Variants in DENND1A observed in about 807,000 individuals in gnomAD.
DENND1A encodes DENN domain-containing protein 1A.
In DENND1A, 51 loss-of-function variants were observed where a neutral mutation model predicts 113.7. The observed-to-expected ratio is 0.45, with a 90% CI of 0.36 to 0.57. The LOEUF is 0.57. Among genes scored for constraint, DENND1A ranks in the 20% least tolerant of loss-of-function variants. DENND1A has a pLI of 0.00. For synonymous variants in DENND1A, 565 were observed against 570.8 expected (o/e 0.99, Z 0.14); for missense variants, 1,258 against 1,395.9 (o/e 0.90, Z 1.57).
intron 15 of DENND1A, among the ~76,000 whole-genome samples, chr9:123,455,536 G>A (rs889453344): frequency 6.6e-6 from 1 of 152,190 alleles, no homozygotes; most frequent in African/African-American, 2.4e-5. Flanking sequence ...GATGTCCTCT[G>A]GAGGCTTCTC....
chr9:123,546,629 T>C (rs1358747652), intron 13 of DENND1A, among the ~76,000 whole-genome samples: 1 of 152,110 alleles, frequency 6.6e-6, no homozygotes, highest in African/African-American at 2.4e-5. Context: ...ATGTATAGCA[T>C]GGGGAAACAG....
chr9:123,434,748 G>A (rs114185897), intron 19 of DENND1A, among the ~76,000 whole-genome samples: 412 of 152,318 alleles, frequency 2.7e-3, no homozygotes, highest in African/African-American at 9.4e-3. Flanking sequence ...TCACAAAGGG[G>A]CCAAGGAGGA....
chr9:123,600,766 G>A (rs1589297959), intron 11 of DENND1A, among the ~76,000 whole-genome samples: 1 of 151,888 alleles, frequency 6.6e-6, no homozygotes. Context: ...AGGAGGCGGA[G>A]GATGCAGTGA....
chr9:123,551,613 G>A (rs1022762883), intron 13 of DENND1A, among the ~76,000 whole-genome samples: 7 of 152,198 alleles, frequency 4.6e-5, no homozygotes, highest in African/African-American at 1.4e-4. Flanking sequence ...CTGAGAGCAC[G>A]GATGGGAAGC....
At chr9:123,581,962 C>T (rs543972864) in intron 12 of DENND1A, among the ~76,000 whole-genome samples, 1 of 152,230 alleles carries the variant, frequency 6.6e-6, no homozygotes, top group Admixed American at 6.5e-5. Context: ...CAGCTGCCTA[C>T]AGGGCAGCTC....
intron 13 of DENND1A, among the ~76,000 whole-genome samples, chr9:123,481,583 T>C (rs1323443532): frequency 6.6e-6 from 1 of 152,262 alleles, no homozygotes; most frequent in African/African-American, 2.4e-5. Context: ...GGTCAGGTCC[T>C]ACCAGCCACC....
chr9:123,569,123 T>C lies in DENND1A; in HGVS notation c.868-11428A>G, dbSNP rs567695425. On this transcript the variant is annotated intron_variant, in intron 12 of 23. Transcript: ENST00000394215. Reference sequence around the variant, plus strand: ...GCATTAATTACCCGGGGTAAAATGATTCAAGTTAAATCTTTGTTACGACAA... The same window carrying C: ...GCATTAATTACCCGGGGTAAAATGACTCAAGTTAAATCTTTGTTACGACAA... 8.3e-4 allele frequency among the ~76,000 whole-genome samples: 126 copies of C among 152,350 alleles called. 1 individual carries two copies. Among genetic ancestry groups the C allele is most frequent in the African/African-American group, 2.9e-3 (122 of 41,588 alleles).
chr9:123,534,851 C>A (rs528885586), intron 13 of DENND1A, among the ~76,000 whole-genome samples: 1 of 152,300 alleles, frequency 6.6e-6, no homozygotes, highest in East Asian at 1.9e-4. Flanking sequence ...GGACGCCAAG[C>A]CTTTTTTGTC....
chr9:123,400,111 T>C (rs1449019949), intron 21 of DENND1A: 1 of 152,258 alleles, frequency 6.6e-6, no homozygotes, highest in Non-Finnish European at 1.5e-5. Flanking sequence ...CTTGAAGAGA[T>C]TTAGTAACTG....
intron 2 of DENND1A, among the ~76,000 whole-genome samples, chr9:123,810,234 C>A (rs956862290): frequency 6.6e-6 from 1 of 152,078 alleles, no homozygotes; most frequent in African/African-American, 2.4e-5. Flanking sequence ...ATGGTGTTGG[C>A]CATCATGTCT....
chr9:123,450,216 T>A (rs1404809027), intron 18 of DENND1A, among the ~76,000 whole-genome samples: 1 of 152,094 alleles, frequency 6.6e-6, no homozygotes, highest in Non-Finnish European at 1.5e-5. Context: ...CAGGGCGAGG[T>A]AAGCCCACGG....
chr9:123,553,406 C>CA (rs1009642540), intron 13 of DENND1A, among the ~76,000 whole-genome samples: 3 of 151,210 alleles, frequency 2.0e-5, no homozygotes, highest in East Asian at 1.9e-4. Context: ...AGCCGCCCCC[C>CA]CCCCGCTCCT....
chr9:123,395,297 C>A (rs576567568), intron 21 of DENND1A, among the ~76,000 whole-genome samples: 11 of 152,166 alleles, frequency 7.2e-5, no homozygotes, highest in African/African-American at 1.9e-4. Context: ...GAAGAGGCGA[C>A]AGACAAATGG....
intron 2 of DENND1A, among the ~76,000 whole-genome samples, chr9:123,870,065 C>T (rs1390622111): frequency 1.3e-5 from 2 of 149,112 alleles, no homozygotes; most frequent in Non-Finnish European, 3.0e-5. Flanking sequence ...GATGGATTCA[C>T]TTTCACTGGA....
intron 13 of DENND1A, among the ~76,000 whole-genome samples, chr9:123,509,930 G>A (rs372568870): frequency 6.6e-6 from 1 of 152,212 alleles, no homozygotes. Flanking sequence ...TTTCTGAGAA[G>A]TTGCCTACCT....
chr9:123,811,755 A>G (rs1479301490), intron 2 of DENND1A, among the ~76,000 whole-genome samples: 4 of 152,170 alleles, frequency 2.6e-5, no homozygotes, highest in Non-Finnish European at 5.9e-5. Flanking sequence ...CAAGACTCCA[A>G]CTCAAAAATA....
At chr9:123,829,458 A>G (rs936165616) in intron 2 of DENND1A, among the ~76,000 whole-genome samples, 1 of 152,130 alleles carries the variant, frequency 6.6e-6, no homozygotes, top group Non-Finnish European at 1.5e-5. Context: ...AGTAACAACA[A>G]CAACAACAAC....
chr9:123,642,225 T>A (rs1443372494), intron 9 of DENND1A, among the ~76,000 whole-genome samples: 3 of 152,240 alleles, frequency 2.0e-5, no homozygotes, highest in Middle Eastern at 3.2e-3. Flanking sequence ...CAACAAGCAA[T>A]TAATTATCTA....
chr9:123,867,310 G>T (rs1845924349), intron 2 of DENND1A, among the ~76,000 whole-genome samples: 3 of 152,074 alleles, frequency 2.0e-5, no homozygotes, highest in African/African-American at 7.2e-5. Context: ...TTTATAGGGT[G>T]AACGTTCCAC....
Sources: gnomAD v4.1 joint callset for allele counts (sites outside exome capture counted in the v4.1 genomes callset) on GRCh38, gnomAD v4.1.1 for gene constraint, MANE v1.5 for transcripts, NCBI Gene and HGNC (gene_info 2026-07-23, HGNC 2026-07-21) for gene names.